Variants in FBXL7 observed in about 807,000 individuals in gnomAD.
FBXL7 encodes the protein F-box/LRR-repeat protein 7.
A neutral mutation model predicts 38.3 loss-of-function variants in FBXL7; 12 were observed. The observed-to-expected ratio is 0.31, with a 90% CI of 0.20 to 0.51. FBXL7 has a LOEUF of 0.51. FBXL7 is among the 20% of genes least tolerant of loss of function. FBXL7 has a pLI of 0.98. For missense variants in FBXL7, 567 were observed against 676.4 expected (o/e 0.84, Z 1.79); for synonymous variants, 297 against 300.9 (o/e 0.99, Z 0.13).
At chr5:15,898,340 C>T (rs1240412289) in intron 2 of FBXL7, among the ~76,000 whole-genome samples, 3 of 152,102 alleles carry the variant, frequency 2.0e-5, no homozygotes, top group Non-Finnish European at 2.9e-5. Context: ...GAAAACATGA[C>T]GAAAAGGCCT....
chr5:15,837,774 T>C (rs1023804052), intron 2 of FBXL7, among the ~76,000 whole-genome samples: 4 of 152,018 alleles, frequency 2.6e-5, no homozygotes, highest in African/African-American at 9.7e-5. Flanking sequence ...GAAAATAACT[T>C]GGTGGAGAGA....
intron 1 of FBXL7, among the ~76,000 whole-genome samples, chr5:15,505,563 T>C (rs73751952): frequency 0.07 from 10,603 of 152,194 alleles, 1,085 homozygotes; most frequent in African/African-American, 0.23. Flanking sequence ...GGAACTAGAA[T>C]GGTGAACACC....
intron 1 of FBXL7, among the ~76,000 whole-genome samples, chr5:15,515,999 C>A (rs1736925937): frequency 6.6e-6 from 1 of 152,032 alleles, no homozygotes; most frequent in African/African-American, 2.4e-5. Flanking sequence ...ATATAGTTTC[C>A]CTGGCATAAT....
At chr5:15,782,120 G>GCA (rs1449236515) in intron 2 of FBXL7, among the ~76,000 whole-genome samples, 7 of 152,016 alleles carry the variant, frequency 4.6e-5, no homozygotes, top group Admixed American at 2.6e-4. Context: ...CTGAGAATGA[G>GCA]GGTTTCCAGC....
At chr5:15,606,090 C>G (rs896336252) in intron 1 of FBXL7, among the ~76,000 whole-genome samples, 5 of 152,136 alleles carry the variant, frequency 3.3e-5, no homozygotes, top group South Asian at 2.1e-4. Context: ...TCCCATGTAA[C>G]AGGGCATGGT....
chr5:15,683,284 A>G (rs566836547), intron 2 of FBXL7, among the ~76,000 whole-genome samples: 3 of 152,268 alleles, frequency 2.0e-5, no homozygotes, highest in Non-Finnish European at 4.4e-5. Flanking sequence ...TGTTGTGAGT[A>G]TATTTAGATT....
chr5:15,663,630 G>A (rs1173439605), intron 2 of FBXL7, among the ~76,000 whole-genome samples: 1 of 152,088 alleles, frequency 6.6e-6, no homozygotes, highest in Non-Finnish European at 1.5e-5. Flanking sequence ...ACATTTATTT[G>A]TTTGCATATG....
chr5:15,655,346 A>T (rs1037753821), intron 2 of FBXL7, among the ~76,000 whole-genome samples: 1 of 152,026 alleles, frequency 6.6e-6, no homozygotes, highest in African/African-American at 2.4e-5. Context: ...AAATACAAAA[A>T]TTAATTGTGC....
At chr5:15,589,973 A>G (rs559542212) in intron 1 of FBXL7, among the ~76,000 whole-genome samples, 1 of 152,322 alleles carries the variant, frequency 6.6e-6, no homozygotes, top group Non-Finnish European at 1.5e-5. Context: ...GTTTCTAAAA[A>G]CAATGAAGGT....
chr5:15,634,317 T>C lies in FBXL7; in HGVS notation c.127+18245T>C, dbSNP rs4132997. 5.5e-4 allele frequency among the ~76,000 whole-genome samples: 40 copies of C among 72,474 alleles called. 1 individual carries two copies. Among genetic ancestry groups the C allele is most frequent in the East Asian group, 1.2e-3 (2 of 1,700 alleles). 47.5% of individuals were successfully genotyped at this position (72,474 alleles called of 152,430 possible). A position where few individuals can be genotyped will look rare whatever the true frequency, so the allele number is the denominator to read the frequency against. On this transcript the variant is annotated intron_variant, in intron 2 of 3. Coordinates refer to ENST00000504595, the MANE Select transcript of FBXL7 (RefSeq NM_012304.5). ...TAAAACTTTATATGTTCGTTTCTTT[T>C]TTTTTTTTTTTTTTTTTTTTAAAAG...
chr5:15,541,482 A>ATATATATAG, intron 1 of FBXL7, among the ~76,000 whole-genome samples: 1 of 32,654 alleles, frequency 3.1e-5, no homozygotes, highest in African/African-American at 8.8e-5. Flanking sequence ...TATATATATA[A>ATATATATAG]AGGTATAGCC....
At chr5:15,706,356 G>A (rs1358182515) in intron 2 of FBXL7, among the ~76,000 whole-genome samples, 1 of 152,074 alleles carries the variant, frequency 6.6e-6, no homozygotes, top group Non-Finnish European at 1.5e-5. Context: ...CTCCCCCTTT[G>A]CTTTCCACCG....
chr5:15,876,412 AG>A (rs2126309116), intron 2 of FBXL7, among the ~76,000 whole-genome samples: 1 of 152,208 alleles, frequency 6.6e-6, no homozygotes, highest in South Asian at 2.1e-4. Flanking sequence ...TAAAAAAAAA[AG>A]GTGTTCCCAT....
intron 1 of FBXL7, among the ~76,000 whole-genome samples, chr5:15,573,983 A>G (rs1334721629): frequency 2.6e-5 from 4 of 152,198 alleles, no homozygotes; most frequent in African/African-American, 7.2e-5. Flanking sequence ...CATTCAGTAT[A>G]TTGCTGAGCC....
intron 2 of FBXL7, among the ~76,000 whole-genome samples, chr5:15,855,362 T>G (rs1225607406): frequency 6.6e-6 from 1 of 152,134 alleles, no homozygotes; most frequent in African/African-American, 2.4e-5. Context: ...TATATATATA[T>G]AGAAATAACT....
chr5:15,752,898 A>C (rs1456422325), intron 2 of FBXL7, among the ~76,000 whole-genome samples: 3 of 152,076 alleles, frequency 2.0e-5, no homozygotes, highest in African/African-American at 7.2e-5. Flanking sequence ...TTTCACTATC[A>C]TTGTTCGTTT....
At chr5:15,524,277 A>C (rs1414749855) in intron 1 of FBXL7, among the ~76,000 whole-genome samples, 2 of 152,184 alleles carry the variant, frequency 1.3e-5, no homozygotes, top group Non-Finnish European at 2.9e-5. Flanking sequence ...TCAAAGAACA[A>C]AACTTGACCA....
intron 1 of FBXL7, among the ~76,000 whole-genome samples, chr5:15,562,360 T>C (rs994020948): frequency 6.6e-6 from 1 of 152,096 alleles, no homozygotes; most frequent in Non-Finnish European, 1.5e-5. Flanking sequence ...GCAGACATTA[T>C]ATCAGATAAA....
At chr5:15,719,996 T>C (rs1228499896) in intron 2 of FBXL7, among the ~76,000 whole-genome samples, 1 of 148,870 alleles carries the variant, frequency 6.7e-6, no homozygotes, top group Non-Finnish European at 1.5e-5. Context: ...CTGCATCCTG[T>C]CTGTTCAACA....
Sources: gnomAD v4.1 joint callset for allele counts (sites outside exome capture counted in the v4.1 genomes callset) on GRCh38, gnomAD v4.1.1 for gene constraint, MANE v1.5 for transcripts, NCBI Gene and HGNC (gene_info 2026-07-23, HGNC 2026-07-21) for gene names.